The following PON3 variants were observed in gnomAD, a reference collection of about 807,000 sequenced individuals.
PON3 encodes the protein serum paraoxonase/lactonase 3.
PON3 carries 37 observed loss-of-function variants against 36.3 expected under a neutral mutation model. The ratio of observed to expected loss-of-function variants is 1.02; its 90% CI spans 0.78 to 1.34. The LOEUF is 1.34. PON3 is among the 40% of genes most tolerant of loss of function. The pLI is 0.00. For synonymous variants in PON3, 155 were observed against 154.8 expected, an observed-to-expected ratio of 1.00 and a Z score of -0.01; for missense variants, 415 against 426.5, an observed-to-expected ratio of 0.97 and a Z score of 0.24.
chr7:95,393,248 G>A (rs1809358158), intron 2 of PON3, among the ~76,000 whole-genome samples: 1 of 152,096 alleles, frequency 6.6e-6, no homozygotes, highest in Non-Finnish European at 1.5e-5. Flanking sequence ...CACAGTTCTT[G>A]GCCCTAGGGA....
chr7:95,371,423 A>C (rs772370026), intron 4 of PON3, among the ~76,000 whole-genome samples: 1 of 152,186 alleles, frequency 6.6e-6, no homozygotes. Context: ...GCAAAGTATG[A>C]GGGTTCCAAT....
intron 4 of PON3, among the ~76,000 whole-genome samples, chr7:95,369,309 C>A (rs1309244001): frequency 6.6e-6 from 1 of 151,934 alleles, no homozygotes; most frequent in African/African-American, 2.4e-5. Context: ...GAGAGGAAAA[C>A]AAGGAGGAAA....
intron 5 of PON3, among the ~76,000 whole-genome samples, chr7:95,367,010 AC>A (rs150759717): frequency 0.02 from 3,038 of 152,356 alleles, 51 homozygotes; most frequent in South Asian, 0.038. Flanking sequence ...CTCACAGAAC[AC>A]AACCTACTAG....
chr7:95,388,640 G>A (rs941116916), intron 3 of PON3, among the ~76,000 whole-genome samples: 4 of 152,156 alleles, frequency 2.6e-5, no homozygotes, highest in African/African-American at 4.8e-5. Context: ...ACATGCACAT[G>A]TATGTTTATT....
intron 3 of PON3, among the ~76,000 whole-genome samples, chr7:95,376,323 C>T (rs1452649891): frequency 1.3e-5 from 2 of 152,174 alleles, no homozygotes; most frequent in East Asian, 3.8e-4. Context: ...AGAAAATATC[C>T]TGTTTGTCAT....
At chr7:95,385,659 A>G (rs1809173084) in intron 3 of PON3, among the ~76,000 whole-genome samples, 1 of 152,224 alleles carries the variant, frequency 6.6e-6, no homozygotes, top group Non-Finnish European at 1.5e-5. Context: ...AATTGACCAC[A>G]TAATTGGAAG....
intron 8 of PON3, among the ~76,000 whole-genome samples, chr7:95,360,720 T>C (rs1180423581): frequency 6.6e-6 from 1 of 152,188 alleles, no homozygotes; most frequent in Non-Finnish European, 1.5e-5. Context: ...CACTCAGGCT[T>C]CCAAATAGGC....
chr7:95,362,643 C>T, intron 7 of PON3, 117 bp downstream of exon 7: 1 of 1,376,684 alleles, frequency 7.3e-7, no homozygotes. Flanking sequence ...CATGCATAAT[C>T]TCACTGGCAT....
At chr7:95,381,119 G>A (rs1809043731) in intron 3 of PON3, among the ~76,000 whole-genome samples, 2 of 152,110 alleles carry the variant, frequency 1.3e-5, no homozygotes, top group Admixed American at 6.6e-5. Flanking sequence ...ACAAGTGAAG[G>A]AGAAATAAAA....
chr7:95,365,218 C>G (rs1434958193), intron 5 of PON3: 1 of 152,364 alleles, frequency 6.6e-6, no homozygotes, highest in Non-Finnish European at 1.5e-5. Flanking sequence ...CATAGCCTCA[C>G]CTACCTTGTT....
chr7:95,360,009 G>A lies in PON3; in HGVS notation c.1029C>T (p.Gly343=). 6.2e-7 allele frequency: 1 copy of A among 1,611,946 alleles called. No individual in the cohort carries two copies. Among genetic ancestry groups the A allele is most frequent in the Non-Finnish European group, 8.5e-7 (1 of 1,179,544 alleles). The change falls in exon 9 of 9, where the codon GGC becomes GGT. Residue 343 remains glycine, a synonymous_variant. Transcript: ENST00000265627. ...AGTACAGAGTTTTGTGAAATACGGT[G>A]CCTATGAGAATTTTCCCATGGTACA... ...ASVYHGKILI[G]TVFHKTLYCE... is the part of the protein sequence containing the mutation.
At chr7:95,394,817 C>T in intron 1 of PON3, 103 bp from the exon 2 acceptor site, 2 of 912,624 alleles carry the variant, frequency 2.2e-6, no homozygotes, top group Non-Finnish European at 3.6e-6. Flanking sequence ...CTATCTTTAT[C>T]ATAATTTATG....
At chr7:95,379,404 G>A (rs1309820768) in intron 3 of PON3, among the ~76,000 whole-genome samples, 2 of 152,264 alleles carry the variant, frequency 1.3e-5, no homozygotes, top group Admixed American at 6.5e-5. Context: ...GCAGGGTGAG[G>A]CATCACCTCA....
At chr7:95,372,867 T>G (rs138843312) in intron 3 of PON3, among the ~76,000 whole-genome samples, 1 of 152,206 alleles carries the variant, frequency 6.6e-6, no homozygotes, top group African/African-American at 2.4e-5. Context: ...ACCAGTCTTA[T>G]ATAGTTGACT....
At chr7:95,368,874 T>A (rs1303045468) in intron 4 of PON3, among the ~76,000 whole-genome samples, 1 of 151,714 alleles carries the variant, frequency 6.6e-6, no homozygotes, top group East Asian at 1.9e-4. Flanking sequence ...ACCTCTAATA[T>A]GATCCCATGC....
At chr7:95,384,601 G>A (rs982025733) in intron 3 of PON3, among the ~76,000 whole-genome samples, 1 of 152,182 alleles carries the variant, frequency 6.6e-6, no homozygotes, top group Non-Finnish European at 1.5e-5. Flanking sequence ...ATGAAAAAAT[G>A]CTCATCATCA....
At chr7:95,382,388 C>G (rs1486200722) in intron 3 of PON3, among the ~76,000 whole-genome samples, 1 of 151,872 alleles carries the variant, frequency 6.6e-6, no homozygotes, top group Non-Finnish European at 1.5e-5. Flanking sequence ...CACAAAAAAC[C>G]CTTCAAAAAA....
chr7:95,376,234 G>T (rs924183377), intron 3 of PON3, among the ~76,000 whole-genome samples: 8 of 152,218 alleles, frequency 5.3e-5, no homozygotes, highest in African/African-American at 1.9e-4. Flanking sequence ...TCACAAAGAA[G>T]TGGGAGTTAG....
chr7:95,382,112 T>TAATG (rs576403620), intron 3 of PON3, among the ~76,000 whole-genome samples: 53 of 152,238 alleles, frequency 3.5e-4, no homozygotes, highest in African/African-American at 1.3e-3. Context: ...ACTGGGTACA[T>TAATG]AATGAAATGA....
Sources: allele counts gnomAD v4.1 joint callset (sites outside exome capture counted in the v4.1 genomes callset), GRCh38; gene constraint gnomAD v4.1.1; transcripts MANE v1.5; gene names NCBI Gene and HGNC (gene_info 2026-07-23, HGNC 2026-07-21).